SEMA3B: variants seen among roughly 807,000 people sequenced by gnomAD.
The protein encoded by SEMA3B is semaphorin 3B, also known as semaphorin-3B.
In SEMA3B, 71 loss-of-function variants were observed where a neutral mutation model predicts 77.8. The observed-to-expected ratio is 0.91, with a 90% confidence interval of 0.75 to 1.11. SEMA3B has a LOEUF of 1.11. Among genes scored for constraint, SEMA3B ranks in the 50% most tolerant of loss-of-function variants. SEMA3B has a pLI of 0.00. For missense variants in SEMA3B, 968 were observed against 1,056.8 expected, an observed-to-expected ratio of 0.92 and a Z score of 1.17; for synonymous variants, 470 against 452.9, an observed-to-expected ratio of 1.04 and a Z score of -0.48.
rs1701133953 is a variant in SEMA3B at position 50,273,899 on chromosome 3, G to A, written c.993-14G>A. 6.3e-7 allele frequency: 1 copy of A among 1,593,338 alleles called. No homozygotes were observed. The highest frequency in any genetic ancestry group is 8.6e-7 in the Non-Finnish European group (1 of 1,166,862). ...CCACCCGGCCCCTCACCTCGCCCTG[G>A]TCTTCGCCTCCAGCAGCATCTTCCA... On this transcript the variant is annotated splice_polypyrimidine_tract_variant and intron_variant, in intron 9 of 16. Coordinates refer to ENST00000616701, the MANE Select transcript of SEMA3B (RefSeq NM_001290060.2). The surrounding 1 kb of genome is among the most constrained non-coding windows in gnomAD (Gnocchi z 6.5).
chr3:50,265,462 T>G (rs1409627074), upstream of SEMA3B, among the ~76,000 whole-genome samples: 1 of 151,612 alleles, frequency 6.6e-6, no homozygotes, highest in Admixed American at 6.6e-5. Context: ...GCCCAGCTGG[T>G]GGCCAGGGGT....
rs1397316942 is a variant in SEMA3B, at chr3:50,275,260, G to C, written c.1492-42G>C. 2 of 1,484,222 alleles carry C rather than the reference G, an allele frequency of 1.3e-6. No homozygotes were observed. Among genetic ancestry groups the C allele is most frequent in the African/African-American group, 1.4e-5 (1 of 71,326 alleles). The allele number at this position is 1,484,222 out of a possible 1,614,324, so 91.9% of individuals were successfully genotyped here. Reference sequence around the variant, plus strand: ...TCCCTGACCGATGGGAGGCAGGCGTGGGGTCGCCCTCGGTCAGCCCAGAGC... The same window carrying C: ...TCCCTGACCGATGGGAGGCAGGCGTCGGGTCGCCCTCGGTCAGCCCAGAGC... On this transcript the variant is annotated intron_variant, in intron 13 of 16. Coordinates refer to ENST00000616701, the MANE Select transcript of SEMA3B (RefSeq NM_001290060.2). The surrounding 1 kb of genome is among the most constrained non-coding windows in gnomAD (Gnocchi z 7.5).
rs587612867 is a variant in SEMA3B, at chr3:50,276,243, G to A, written c.1846-59G>A. 1 of 1,430,224 alleles carries A rather than the reference G, an allele frequency of 7.0e-7. No homozygotes were observed. Among genetic ancestry groups the A allele is most frequent in the South Asian group, 1.5e-5 (1 of 68,374 alleles). The allele number at this position is 1,430,224 out of a possible 1,614,324, so 88.6% of individuals were successfully genotyped here. On this transcript the variant is annotated intron_variant, in intron 16 of 16. Coordinates refer to ENST00000616701, the MANE Select transcript of SEMA3B (RefSeq NM_001290060.2). The surrounding 1 kb of genome is among the most constrained non-coding windows in gnomAD (Gnocchi z 5.8). ...CTTTGCTTCTTCCGTCGCGTGCTAG[G>A]GCCCGGAAGCCCTGTTCCCGGCCCG...
Position 50,270,949 on chromosome 3 carries a change from C to T in SEMA3B, c.390C>T (p.Ala130=), listed in dbSNP as rs1553705238. ...LHAYNRTHLL[A]CGTGAFHPTC... ...CCTACAACCGCACCCATTTGCTGGC[C>T]TGTGGCACGGGAGCCTTCCACCCAA... is the stretch of plus-strand genomic sequence containing the variant. Residue 130 remains alanine, a synonymous_variant, in exon 4 of 17, where the codon GCC becomes GCT. Transcript: ENST00000616701. The surrounding 1 kb of genome is among the most constrained non-coding windows in gnomAD (Gnocchi z 4.7). The T allele has an allele frequency of 5.6e-6, 9 of 1,611,694 alleles. No individual in the cohort carries two copies. The highest frequency in any genetic ancestry group is 7.6e-6 in the Non-Finnish European group (9 of 1,179,008).
rs782752503 is a variant in SEMA3B at position 50,273,524 on chromosome 3, C to A, written c.811-11C>A. On this transcript the variant is annotated splice_polypyrimidine_tract_variant and intron_variant, in intron 7 of 16. Coordinates refer to ENST00000616701, the MANE Select transcript of SEMA3B (RefSeq NM_001290060.2). The surrounding 1 kb of genome is among the most constrained non-coding windows in gnomAD (Gnocchi z 6.5). ...TGGTCTCGCCCTCATCCCCTTTGAT[C>A]GTCCCGGCAGAACGACGTGGGCGGC... 10 of 1,611,802 alleles carry A rather than the reference C, an allele frequency of 6.2e-6. No individual in the cohort carries two copies. Among genetic ancestry groups the A allele is most frequent in the Non-Finnish European group, 8.5e-7 (1 of 1,178,648 alleles).
Position 50,274,921 on chromosome 3 carries a change from T to C in SEMA3B, c.1436T>C (p.Leu479Pro). Reference sequence around the variant, plus strand: ...GCAGAGGGGCTGCTCCTGGAGGAGCTGCACGTGTTTGAGGTGAGGCCTCAC... The same window carrying C: ...GCAGAGGGGCTGCTCCTGGAGGAGCCGCACGTGTTTGAGGTGAGGCCTCAC... ...PSAEGLLLEE[L>P]HVFEDSAAVT... Residue 479 changes from leucine (L) to proline (P), a missense_variant, in exon 12 of 17, where the codon CTG becomes CCG. Physicochemically the swap from Leu to Pro is moderately conservative, Grantham distance 98. Transcript: ENST00000616701. This position sits in a 1 kb window ranked among gnomAD's most constrained non-coding sequence, Gnocchi z 4.7. 6.2e-7 allele frequency: 1 copy of C among 1,609,588 alleles called. No individual in the cohort carries two copies. Among genetic ancestry groups the C allele is most frequent in the Non-Finnish European group, 8.5e-7 (1 of 1,179,268 alleles).
chr3:50,274,402 G>A lies in SEMA3B; in HGVS notation c.1177G>A (p.Asp393Asn). ...KTFGTFSSTK[D>N]FPDDVIQFAR... ...CTTTGGCACCTTCAGTTCCACCAAG[G>A]ACTTCCCAGACGATGTCATCCAGTT... The change falls in exon 11 of 17, where the codon GAC becomes AAC. Residue 393 changes from aspartate (D) to asparagine (N), a missense_variant. Transcript: ENST00000616701. This position sits in a 1 kb window ranked among gnomAD's most constrained non-coding sequence, Gnocchi z 4.7. 6.7e-7 allele frequency: 1 copy of A among 1,501,346 alleles called. No individual in the cohort carries two copies. Among genetic ancestry groups the A allele is most frequent in the South Asian group, 1.4e-5 (1 of 71,750 alleles). The allele number at this position is 1,501,346 out of a possible 1,614,324, so 93.0% of individuals were successfully genotyped here. A position where few individuals can be genotyped will look rare whatever the true frequency, so the allele number is the denominator to read the frequency against.
chr3:50,270,024 C>T lies in SEMA3B; in HGVS notation c.110-103C>T. 1.6e-6 allele frequency: 2 copies of T among 1,280,302 alleles called. No homozygotes were observed. The highest frequency in any genetic ancestry group is 2.8e-4 in the Middle Eastern group (1 of 3,636). 79.3% of individuals were successfully genotyped at this position (1,280,302 alleles called of 1,614,324 possible). A position where few individuals can be genotyped will look rare whatever the true frequency, so the allele number is the denominator to read the frequency against. ...CATGTAAACTCACATGTGTACAGGC[C>T]AGGTCCTAATGGCAACCTTGGCCGA... is the stretch of plus-strand genomic sequence containing the variant. On this transcript the variant is annotated intron_variant, in intron 1 of 16. Coordinates refer to ENST00000616701, the MANE Select transcript of SEMA3B (RefSeq NM_001290060.2). This position sits in a 1 kb window ranked among gnomAD's most constrained non-coding sequence, Gnocchi z 4.7.
In SEMA3B at chr3:50,270,609, C is replaced by T. The variant is rs55689339; in HGVS notation, c.330+114C>T. ...CTGGCTGGGATGAGGGCAGGGAGGT[C>T]GAGGTGGCTGAGGTCTGGGGGTGGT... On this transcript the variant is annotated intron_variant, in intron 3 of 16. Transcript: ENST00000616701. The surrounding 1 kb of genome is among the most constrained non-coding windows in gnomAD (Gnocchi z 4.7). The T allele has an allele frequency of 4.8e-6, 7 of 1,450,062 alleles. No individual in the cohort carries two copies. The highest frequency in any genetic ancestry group is 4.7e-5 in the East Asian group (2 of 42,744). The allele number at this position is 1,450,062 out of a possible 1,614,324, so 89.8% of individuals were successfully genotyped here.
At chr3:50,268,987 G>A, upstream of SEMA3B, 1 of 562,212 alleles carries the variant, frequency 1.8e-6, no homozygotes, top group South Asian at 2.0e-5. Context: ...CTGAGGGTGT[G>A]CCCAGTGGCG....
chr3:50,263,308 G>C (rs897092336), upstream of SEMA3B: 3 of 151,552 alleles, frequency 2.0e-5, no homozygotes, highest in African/African-American at 7.3e-5. Flanking sequence ...GATCAGCCTG[G>C]GCAACATAGT....
upstream of SEMA3B, among the ~76,000 whole-genome samples, chr3:50,265,668 C>A (rs1700883436): frequency 1.3e-5 from 2 of 152,220 alleles, 1 homozygote; most frequent in South Asian, 4.1e-4. Flanking sequence ...AGCTGCCTTG[C>A]CTGGTTTGCC....
In SEMA3B at chr3:50,274,241, A is replaced by C. The variant is rs1701146167; in HGVS notation, c.1138-122A>C. On this transcript the variant is annotated intron_variant, in intron 10 of 16. Transcript: ENST00000616701. The surrounding 1 kb of genome is among the most constrained non-coding windows in gnomAD (Gnocchi z 4.7). ...CTAGGGCAAGGCTGATCTCCTCTCT[A>C]ATTCTCAGGGCAGGGTTCTGTCCCC... 4.1e-6 allele frequency: 5 copies of C among 1,227,654 alleles called. No individual in the cohort carries two copies. Among genetic ancestry groups the C allele is most frequent in the Non-Finnish European group, 4.5e-6 (4 of 883,124 alleles). 76.0% of individuals were successfully genotyped at this position (1,227,654 alleles called of 1,614,324 possible). A position where few individuals can be genotyped will look rare whatever the true frequency, so the allele number is the denominator to read the frequency against.
At position 50,276,819 on chromosome 3, in the gene SEMA3B, G is replaced by T. The variant is rs978017531; in HGVS notation, c.*113G>T. On this transcript the variant is annotated 3_prime_UTR_variant, in exon 17 of 17. Transcript: ENST00000616701. The surrounding 1 kb of genome is among the most constrained non-coding windows in gnomAD (Gnocchi z 5.8). ...CCGGGCACATTGGGGGTCACCGGCC[G>T]ATGGAGACACCAACCGACAGGCCCT... is the stretch of plus-strand genomic sequence containing the variant. 1 of 1,259,326 alleles carries T rather than the reference G, an allele frequency of 7.9e-7. No homozygotes were observed. The highest frequency in any genetic ancestry group is 1.7e-5 in the South Asian group (1 of 57,602). 78.0% of individuals were successfully genotyped at this position (1,259,326 alleles called of 1,614,324 possible).
upstream of SEMA3B, among the ~76,000 whole-genome samples, chr3:50,264,980 C>T (rs1553704299): frequency 6.6e-6 from 1 of 152,030 alleles, no homozygotes; most frequent in African/African-American, 2.4e-5. Context: ...TTCTTGGTAG[C>T]CCCTCCCTCA....
At position 50,274,911 on chromosome 3, in the gene SEMA3B, CTGGAGG is replaced by C; in HGVS notation, c.1427_1432del (p.Leu476_Glu478delinsGln). The C allele has an allele frequency of 6.2e-7, 1 of 1,610,270 alleles. No individual in the cohort carries two copies. The highest frequency in any genetic ancestry group is 1.1e-5 in the South Asian group (1 of 90,678). On this transcript the variant is annotated inframe_deletion, in exon 12 of 17. Coordinates refer to ENST00000616701, the MANE Select transcript of SEMA3B (RefSeq NM_001290060.2). The surrounding 1 kb of genome is among the most constrained non-coding windows in gnomAD (Gnocchi z 4.7). ...TAGGCCCAGCGCAGAGGGGCTGCTC[CTGGAGG>C]AGCTGCACGTGTTTGAGGTGAGGCC...
chr3:50,264,491 G>T (rs914370023), upstream of SEMA3B, among the ~76,000 whole-genome samples: 2 of 152,198 alleles, frequency 1.3e-5, no homozygotes, highest in East Asian at 3.8e-4. Context: ...GGGCCACGGG[G>T]TCGGCTAAGC....
chr3:50,267,938 C>G (rs1448230926), upstream of SEMA3B, among the ~76,000 whole-genome samples: 1 of 152,168 alleles, frequency 6.6e-6, no homozygotes, highest in Non-Finnish European at 1.5e-5. This position sits in a 1 kb window ranked among gnomAD's most constrained non-coding sequence, Gnocchi z 5.7. Flanking sequence ...GTGTCCAGCA[C>G]CTGCCCAGCT....
chr3:50,268,662 CTG>C (rs1477659585), upstream of SEMA3B, among the ~76,000 whole-genome samples: 2 of 152,244 alleles, frequency 1.3e-5, no homozygotes, highest in African/African-American at 2.4e-5. Flanking sequence ...AAAAGTGTCT[CTG>C]TGTTTTTCTG....
Sources: allele counts gnomAD v4.1 joint callset (sites outside exome capture counted in the v4.1 genomes callset), GRCh38; gene constraint gnomAD v4.1.1; non-coding constraint Gnocchi (gnomAD v3.1); transcripts MANE v1.5; gene names NCBI Gene and HGNC (gene_info 2026-07-23, HGNC 2026-07-21).